The following ERBB4 variants were observed in gnomAD, a reference collection of about 807,000 sequenced individuals.
ERBB4 encodes the protein erb-b2 receptor tyrosine kinase 4, also known as receptor tyrosine-protein kinase erbB-4.
A neutral mutation model predicts 158.0 loss-of-function variants in ERBB4; 42 were observed. The ratio of observed to expected loss-of-function variants is 0.27; its 90% CI spans 0.21 to 0.34. The LOEUF (loss-of-function observed/expected upper bound fraction) is 0.34, where lower values mean the gene tolerates loss of function less well. ERBB4 is among the 10% of genes least tolerant of loss of function. The probability of loss-of-function intolerance (pLI) is 1.00; values close to 1 mark genes in which losing one functional copy is unlikely to be tolerated. For missense variants in ERBB4, 1,333 were observed against 1,624.1 expected, an observed-to-expected ratio of 0.82 and a Z score of 3.08; for synonymous variants, 583 against 558.7, an observed-to-expected ratio of 1.04 and a Z score of -0.61.
chr2:212,407,455 G>A (rs961187875), intron 1 of ERBB4, among the ~76,000 whole-genome samples: 10 of 152,032 alleles, frequency 6.6e-5, no homozygotes, highest in African/African-American at 9.6e-5. Flanking sequence ...TTAGTAAACC[G>A]TCTAAGGTTA....
At chr2:211,806,431 A>G (rs545304689) in intron 3 of ERBB4, among the ~76,000 whole-genome samples, 3 of 152,322 alleles carry the variant, frequency 2.0e-5, no homozygotes, top group African/African-American at 7.2e-5. Flanking sequence ...ACATTTTGAT[A>G]TTCAAGAACC....
At chr2:212,165,387 AC>A (rs2081317348) in intron 1 of ERBB4, among the ~76,000 whole-genome samples, 1 of 151,640 alleles carries the variant, frequency 6.6e-6, no homozygotes, top group Non-Finnish European at 1.5e-5. Flanking sequence ...CACTCACTTC[AC>A]CATAATCCCA....
intron 1 of ERBB4, among the ~76,000 whole-genome samples, chr2:212,189,441 A>T (rs190308947): frequency 5.0e-4 from 76 of 152,264 alleles, no homozygotes; most frequent in Admixed American, 1.9e-3. Flanking sequence ...TTTCTTCATT[A>T]TTAGAAATAA....
intron 3 of ERBB4, among the ~76,000 whole-genome samples, chr2:211,808,520 G>A (rs187969549): frequency 6.6e-6 from 1 of 152,050 alleles, no homozygotes; most frequent in Admixed American, 6.6e-5. Context: ...ATGCTGTTTT[G>A]GTTACTATAG....
At chr2:211,679,904 T>C (rs1049702918) in intron 12 of ERBB4, among the ~76,000 whole-genome samples, 1 of 152,148 alleles carries the variant, frequency 6.6e-6, no homozygotes, top group Non-Finnish European at 1.5e-5. Flanking sequence ...GGTCTTAAAC[T>C]CCTGACCTCA....
rs185907081 is a variant in ERBB4, at chr2:211,682,532, T to C, written c.1490-3348A>G. Among the ~76,000 whole-genome samples the C allele has an allele frequency of 3.9e-5, 6 of 152,282 alleles. No homozygotes were observed. In the East Asian group the frequency reaches 5.8e-4, roughly 15 times the overall value. ...CTGGTCAACCCACTCCCCAGTTAGG[T>C]TGATATATAAAATGAACAATCACAG... On this transcript the variant is annotated intron_variant, in intron 12 of 27. Transcript: ENST00000342788.
intron 1 of ERBB4, among the ~76,000 whole-genome samples, chr2:212,341,124 C>T (rs905869425): frequency 1.2e-4 from 18 of 151,262 alleles, no homozygotes; most frequent in Admixed American, 3.3e-4. Context: ...AAAATAAATA[C>T]GAAACAGAAT....
At chr2:211,541,227 T>C (rs978731092) in intron 20 of ERBB4, among the ~76,000 whole-genome samples, 1 of 151,956 alleles carries the variant, frequency 6.6e-6, no homozygotes, top group African/African-American at 2.4e-5. Flanking sequence ...TGATAAGCTA[T>C]AAAATATTTA....
At chr2:212,524,569 C>T (rs1484977278) in intron 1 of ERBB4, among the ~76,000 whole-genome samples, 2 of 151,992 alleles carry the variant, frequency 1.3e-5, no homozygotes, top group Non-Finnish European at 2.9e-5. Flanking sequence ...GGACAGAACA[C>T]CCCTGTCCAC....
chr2:212,203,445 A>G (rs751562956), intron 1 of ERBB4, among the ~76,000 whole-genome samples: 39 of 152,334 alleles, frequency 2.6e-4, no homozygotes, highest in Non-Finnish European at 3.1e-4. Context: ...TCAAGACACA[A>G]TGAAGGCCCA....
Position 212,459,223 on chromosome 2 carries a change from A to T in ERBB4, c.82+79226T>A, listed in dbSNP as rs569200316. Among the ~76,000 whole-genome samples, 467 of 152,174 alleles carry T rather than the reference A, an allele frequency of 3.1e-3. 3 individuals are homozygous for T. The highest frequency in any genetic ancestry group is 0.011 in the African/African-American group (450 of 41,536). ...GTTTTTTTTTATTTTATAGTATTAG[A>T]TGTACACAGAATATTCCCATAATCT... is the stretch of plus-strand genomic sequence containing the variant. On this transcript the variant is annotated intron_variant, in intron 1 of 27. Coordinates refer to ENST00000342788, the MANE Select transcript of ERBB4 (RefSeq NM_005235.3).
intron 3 of ERBB4, among the ~76,000 whole-genome samples, chr2:211,793,956 C>T (rs1023752676): frequency 1.3e-5 from 2 of 151,592 alleles, no homozygotes; most frequent in South Asian, 2.1e-4. Flanking sequence ...GTATTGGGAG[C>T]GGGTAGAGGG....
intron 3 of ERBB4, among the ~76,000 whole-genome samples, chr2:211,874,092 G>T (rs1003016025): frequency 6.6e-6 from 1 of 152,052 alleles, no homozygotes; most frequent in Admixed American, 6.6e-5. Context: ...TTGAGGCTGG[G>T]AGACTGAGTC....
intron 18 of ERBB4, among the ~76,000 whole-genome samples, chr2:211,621,439 T>C (rs2069598591): frequency 1.3e-5 from 2 of 152,144 alleles, no homozygotes; most frequent in African/African-American, 2.4e-5. Context: ...AACTGATCTA[T>C]TGATTAAAAC....
intron 19 of ERBB4, among the ~76,000 whole-genome samples, chr2:211,585,476 T>C (rs1394400293): frequency 4.6e-5 from 7 of 152,164 alleles, no homozygotes; most frequent in Admixed American, 4.6e-4. Context: ...CATTAATTCA[T>C]TGATAATTGA....
At chr2:211,657,376 G>T (rs184686073) in intron 16 of ERBB4, among the ~76,000 whole-genome samples, 1 of 152,066 alleles carries the variant, frequency 6.6e-6, no homozygotes, top group Non-Finnish European at 1.5e-5. Flanking sequence ...AGGCATGGTG[G>T]TGGGCACTTG....
intron 1 of ERBB4, among the ~76,000 whole-genome samples, chr2:212,306,400 T>TGATG (rs1393283034): frequency 1.3e-5 from 2 of 151,438 alleles, no homozygotes; most frequent in Non-Finnish European, 3.0e-5. Context: ...AACTCCTGCA[T>TGATG]GATGGATGGT....
intron 1 of ERBB4, among the ~76,000 whole-genome samples, chr2:212,150,573 C>G (rs2080835205): frequency 6.6e-6 from 1 of 152,126 alleles, no homozygotes; most frequent in African/African-American, 2.4e-5. Flanking sequence ...CTTTGCCTTA[C>G]TTCCTTCCCC....
At chr2:212,195,701 C>T (rs1001209658) in intron 1 of ERBB4, among the ~76,000 whole-genome samples, 15 of 152,094 alleles carry the variant, frequency 9.9e-5, no homozygotes, top group Admixed American at 4.6e-4. Flanking sequence ...ACAACAAAAA[C>T]ATGGCTTACC....
Sources: allele counts gnomAD v4.1 joint callset (sites outside exome capture counted in the v4.1 genomes callset), GRCh38; gene constraint gnomAD v4.1.1; transcripts MANE v1.5; gene names NCBI Gene and HGNC (gene_info 2026-07-23, HGNC 2026-07-21).